The following ROBO2 variants were observed in gnomAD, a reference collection of about 807,000 sequenced individuals.
ROBO2 encodes roundabout homolog 2.
A neutral mutation model predicts 160.8 loss-of-function variants in ROBO2; 53 were observed. The ratio of observed to expected loss-of-function variants is 0.33; its 90% CI spans 0.26 to 0.41. The LOEUF is 0.41. Among genes scored for constraint, ROBO2 ranks in the 10% least tolerant of loss-of-function variants. ROBO2 has a pLI of 1.00. For missense variants in ROBO2, 1,577 were observed against 1,722.4 expected, an observed-to-expected ratio of 0.92 and a Z score of 1.49; for synonymous variants, 664 against 611.7, an observed-to-expected ratio of 1.09 and a Z score of -1.26.
intron 2 of ROBO2, among the ~76,000 whole-genome samples, chr3:76,316,731 G>A: frequency 6.6e-6 from 1 of 152,222 alleles, no homozygotes; most frequent in East Asian, 1.9e-4. Context: ...CACAATTTAT[G>A]TTCAGAGACT....
intron 24 of ROBO2, among the ~76,000 whole-genome samples, chr3:77,640,719 A>G (rs2095339210): frequency 6.6e-6 from 1 of 152,250 alleles, no homozygotes; most frequent in African/African-American, 2.4e-5. Flanking sequence ...CATAGAAATG[A>G]ATAATAAATT....
chr3:76,755,328 C>T (rs1179187449), intron 2 of ROBO2, among the ~76,000 whole-genome samples: 5 of 151,860 alleles, frequency 3.3e-5, no homozygotes, highest in East Asian at 2.0e-4. Flanking sequence ...TATCAGACCT[C>T]GTATTATTAT....
intron 2 of ROBO2, among the ~76,000 whole-genome samples, chr3:77,331,320 C>A (rs2065940599): frequency 6.6e-6 from 1 of 152,172 alleles, no homozygotes; most frequent in East Asian, 1.9e-4. Context: ...CTGTTCACTG[C>A]CTAGTGCCTT....
chr3:77,217,456 T>G (rs2085134869), intron 2 of ROBO2, among the ~76,000 whole-genome samples: 1 of 152,178 alleles, frequency 6.6e-6, no homozygotes, highest in South Asian at 2.1e-4. Context: ...TTTTCTACTG[T>G]CAACTTGAAA....
chr3:76,864,214 C>A (rs2148635475), intron 2 of ROBO2, among the ~76,000 whole-genome samples: 1 of 152,144 alleles, frequency 6.6e-6, no homozygotes, highest in Admixed American at 6.6e-5. Context: ...TTTGATGGTT[C>A]TCCTTCCGGG....
intron 2 of ROBO2, among the ~76,000 whole-genome samples, chr3:76,374,958 G>C (rs768202234): frequency 1.4e-5 from 2 of 145,552 alleles, no homozygotes; most frequent in Non-Finnish European, 3.0e-5. Flanking sequence ...TTTTTTTTCA[G>C]ATGGTCTATA....
rs753559144 is a variant in ROBO2 at position 76,629,564 on chromosome 3, A to G, written c.110-468450A>G. On this transcript the variant is annotated intron_variant, in intron 2 of 26. Transcript: ENST00000487694. ...TTTCCATGTTCTTCTGCCTGCTTTT[A>G]TTCTGGCCATGCTGGCAGTTGATTC... 3.9e-5 allele frequency among the ~76,000 whole-genome samples: 6 copies of G among 152,266 alleles called. No individual in the cohort carries two copies. The South Asian group carries it at 6.2e-4, about 16-fold the overall frequency.
At chr3:77,551,120 G>A (rs537385125) in intron 8 of ROBO2, 131 bp downstream of exon 9, 11 of 1,015,406 alleles carry the variant, frequency 1.1e-5, no homozygotes, top group Admixed American at 4.1e-5. Flanking sequence ...TTGAATCCAG[G>A]TCACATTCTT....
rs530633583 is a variant in ROBO2 at position 77,597,372 on chromosome 3, T to G, written c.2854+622T>G. The stretch of plus-strand genomic sequence containing the variant: ...GTAGCCACATGCAAGCCTTCAAAAT[T>G]TGGTGCCAGAGTCCTCTCCCTGTGG... On this transcript the variant is annotated intron_variant, in intron 19 of 25. Coordinates refer to ENST00000461745, the Ensembl canonical transcript of ROBO2. Among the ~76,000 whole-genome samples, 3 of 152,120 alleles carry G rather than the reference T, an allele frequency of 2.0e-5. No individual in the cohort carries two copies. The East Asian group carries it at 5.8e-4, about 29-fold the overall frequency.
chr3:77,514,586 T>G (rs556910248), intron 5 of ROBO2, among the ~76,000 whole-genome samples: 2 of 151,972 alleles, frequency 1.3e-5, no homozygotes, highest in African/African-American at 4.8e-5. Flanking sequence ...TCTGTAAAAT[T>G]GTGTTTGGAA....
intron 2 of ROBO2, among the ~76,000 whole-genome samples, chr3:77,147,888 C>T (rs2077239615): frequency 6.6e-6 from 1 of 152,140 alleles, no homozygotes; most frequent in Non-Finnish European, 1.5e-5. Context: ...CACACATCCA[C>T]TCCGAAAAGT....
intron 2 of ROBO2, among the ~76,000 whole-genome samples, chr3:76,194,012 G>T (rs1454532544): frequency 6.6e-6 from 1 of 151,930 alleles, no homozygotes; most frequent in Non-Finnish European, 1.5e-5. Flanking sequence ...AAAGAATAAG[G>T]ATTTGAACTC....
chr3:76,854,592 G>A (rs369534230), intron 2 of ROBO2, among the ~76,000 whole-genome samples: 1 of 152,112 alleles, frequency 6.6e-6, no homozygotes, highest in Non-Finnish European at 1.5e-5. Flanking sequence ...GAATATTTGA[G>A]AAACAGTAAC....
At chr3:77,564,909 C>T (rs780166774) in intron 11 of ROBO2, 45 bp from the exon 13 acceptor site, 15 of 1,587,668 alleles carry the variant, frequency 9.4e-6, no homozygotes, top group Non-Finnish European at 6.0e-6. Context: ...CATTTCCAAT[C>T]TTCAAATGAC....
intron 2 of ROBO2, among the ~76,000 whole-genome samples, chr3:76,877,800 C>T (rs1016466191): frequency 3.3e-5 from 5 of 152,176 alleles, no homozygotes; most frequent in African/African-American, 1.2e-4. Flanking sequence ...GTGATTAGGG[C>T]TCTCTGGCTT....
rs62251212 is a variant in ROBO2, at chr3:77,310,158, G to C, written c.389-167256G>C. On this transcript the variant is annotated intron_variant, in intron 2 of 25. Coordinates refer to ENST00000461745, the Ensembl canonical transcript of ROBO2. ...TTTTACGTTTCCTTTAATGGATCAC[G>C]TATCAAATTTTATGTACACATAAAC... 4.5e-3 allele frequency among the ~76,000 whole-genome samples: 677 copies of C among 152,130 alleles called. 3 individuals are homozygous for C. Among genetic ancestry groups the C allele is most frequent in the Middle Eastern group, 0.014 (4 of 294 alleles).
chr3:76,283,272 A>T (rs1708341102), intron 2 of ROBO2, among the ~76,000 whole-genome samples: 1 of 150,644 alleles, frequency 6.6e-6, no homozygotes. Flanking sequence ...GTTGGATTAG[A>T]AGTGTATTAA....
intron 2 of ROBO2, among the ~76,000 whole-genome samples, chr3:76,673,803 C>G (rs957950433): frequency 6.6e-6 from 1 of 151,830 alleles, no homozygotes; most frequent in African/African-American, 2.4e-5. Flanking sequence ...AAGCTTCACA[C>G]GATAATTTAT....
At chr3:77,020,641 A>G (rs1166785330) in intron 2 of ROBO2, among the ~76,000 whole-genome samples, 1 of 152,108 alleles carries the variant, frequency 6.6e-6, no homozygotes, top group Non-Finnish European at 1.5e-5. Context: ...AATATCAACA[A>G]CCAAATGAAA....
Sources: allele counts gnomAD v4.1 joint callset (sites outside exome capture counted in the v4.1 genomes callset), GRCh38; gene constraint gnomAD v4.1.1; transcripts MANE v1.5; gene names NCBI Gene and HGNC (gene_info 2026-07-23, HGNC 2026-07-21).